Variants in HCN1 observed in about 807,000 individuals in gnomAD.
HCN1 encodes the protein hyperpolarization activated cyclic nucleotide gated potassium channel 1.
A neutral mutation model predicts 78.9 loss-of-function variants in HCN1; 13 were observed. The observed-to-expected ratio is 0.16, with a 90% CI of 0.11 to 0.26. The LOEUF is 0.26. Among genes scored for constraint, HCN1 ranks in the 10% least tolerant of loss-of-function variants. HCN1 has a pLI of 1.00. For synonymous variants in HCN1, 552 were observed against 455.5 expected, an observed-to-expected ratio of 1.21 and a Z score of -2.70; for missense variants, 810 against 1,154.3, an observed-to-expected ratio of 0.70 and a Z score of 4.32.
Position 45,262,020 on chromosome 5 carries a change from T to C in HCN1, c.2574A>G (p.Pro858=). ...GAIPPNRGVP[P]APPPPAAALP... is the part of the protein sequence containing the mutation. ...GAGCAGCTGCTGGTGGAGGGGGTGC[T>C]GGAGGGACTCCTCGGTTCGGGGGGA... The change falls in exon 8 of 8, where the codon CCA becomes CCG. Residue 858 remains proline, a synonymous_variant. Coordinates refer to ENST00000303230, the MANE Select transcript of HCN1 (RefSeq NM_021072.4). 6.2e-7 allele frequency: 1 copy of C among 1,613,984 alleles called. No individual in the cohort carries two copies. Among genetic ancestry groups the C allele is most frequent in the South Asian group, 1.1e-5 (1 of 91,078 alleles).
intron 4 of HCN1, among the ~76,000 whole-genome samples, chr5:45,388,893 C>T (rs911398938): frequency 1.3e-5 from 2 of 152,080 alleles, no homozygotes; most frequent in Non-Finnish European, 2.9e-5. Flanking sequence ...TATGTCCACC[C>T]GCTAAAATGG....
chr5:45,262,907 C>T (rs1744779136), intron 7 of HCN1, 97 bp from the exon 8 acceptor site: 2 of 1,349,334 alleles, frequency 1.5e-6, no homozygotes, highest in Admixed American at 1.9e-5. Flanking sequence ...TATAGCTGTG[C>T]TTCACAGGAG....
chr5:45,513,585 T>C (rs1338415981), intron 2 of HCN1, among the ~76,000 whole-genome samples: 1 of 152,182 alleles, frequency 6.6e-6, no homozygotes, highest in Admixed American at 6.5e-5. Flanking sequence ...CCACCTGAGC[T>C]CTGCCTCCTG....
chr5:45,441,882 C>T (rs1368159880), intron 3 of HCN1, among the ~76,000 whole-genome samples: 1 of 152,072 alleles, frequency 6.6e-6, no homozygotes, highest in Admixed American at 6.5e-5. Flanking sequence ...TAAGAAAACC[C>T]TTAATGCTCA....
Position 45,659,041 on chromosome 5 carries a change from C to A in HCN1, c.426-13433G>T, listed in dbSNP as rs565588214. Reference sequence around the variant, plus strand: ...AAAAGACAGCAGTAACCTCTGCAGACTTAAGTGTCCCTGTCTGACAGCTTT... The same window carrying A: ...AAAAGACAGCAGTAACCTCTGCAGAATTAAGTGTCCCTGTCTGACAGCTTT... On this transcript the variant is annotated intron_variant, in intron 1 of 7. Coordinates refer to ENST00000303230, the MANE Select transcript of HCN1 (RefSeq NM_021072.4). Among the ~76,000 whole-genome samples, 26 of 151,988 alleles carry A rather than the reference C, an allele frequency of 1.7e-4. No individual in the cohort carries two copies. In the South Asian group the frequency reaches 5.4e-3, roughly 32 times the overall value.
intron 3 of HCN1, among the ~76,000 whole-genome samples, chr5:45,429,357 G>C (rs1490270978): frequency 6.6e-6 from 1 of 152,084 alleles, no homozygotes; most frequent in Admixed American, 6.6e-5. Context: ...TTATATGGGG[G>C]CTTCTCAACC....
At chr5:45,542,264 T>C (rs1280132347) in intron 2 of HCN1, among the ~76,000 whole-genome samples, 3 of 152,122 alleles carry the variant, frequency 2.0e-5, no homozygotes, top group East Asian at 3.9e-4. Flanking sequence ...TGCAATAAAA[T>C]ATAGTTTTAT....
At chr5:45,496,646 A>C (rs1397416388) in intron 2 of HCN1, among the ~76,000 whole-genome samples, 2 of 151,626 alleles carry the variant, frequency 1.3e-5, no homozygotes, top group South Asian at 2.1e-4. Context: ...TGATCCTTTC[A>C]AAAAACCAGC....
chr5:45,555,594 T>C (rs1743453276), intron 2 of HCN1, among the ~76,000 whole-genome samples: 1 of 151,760 alleles, frequency 6.6e-6, no homozygotes, highest in Non-Finnish European at 1.5e-5. Context: ...GCCAAAACTA[T>C]CCTGAGCAAA....
At chr5:45,625,807 CA>C (rs1335894868) in intron 2 of HCN1, among the ~76,000 whole-genome samples, 1 of 149,308 alleles carries the variant, frequency 6.7e-6, no homozygotes, top group African/African-American at 2.5e-5. Context: ...TTGCAAACAC[CA>C]AAACCAAAAC....
At chr5:45,694,175 C>CT (rs976680543) in intron 1 of HCN1, among the ~76,000 whole-genome samples, 3 of 151,868 alleles carry the variant, frequency 2.0e-5, no homozygotes, top group Non-Finnish European at 4.4e-5. Flanking sequence ...TGAACATTTT[C>CT]TTTTTTTTAA....
At chr5:45,586,890 T>C (rs1744240728) in intron 2 of HCN1, among the ~76,000 whole-genome samples, 1 of 152,214 alleles carries the variant, frequency 6.6e-6, no homozygotes, top group Non-Finnish European at 1.5e-5. Context: ...TACTCCTATG[T>C]TTTAAAAATC....
At position 45,634,960 on chromosome 5, in the gene HCN1, T is replaced by C. The variant is rs59041019; in HGVS notation, c.849+10225A>G. Among the ~76,000 whole-genome samples, 1,445 of 152,184 alleles carry C rather than the reference T, an allele frequency of 9.5e-3. 67 individuals are homozygous for C. The highest frequency in any genetic ancestry group is 0.068 in the Admixed American group (1,038 of 15,266). ...GAAACTGTCACACTCACAAAGCTAG[T>C]TGATCTCCCAAGCATTACTGCTAGG... On this transcript the variant is annotated intron_variant, in intron 2 of 7. Coordinates refer to ENST00000303230, the MANE Select transcript of HCN1 (RefSeq NM_021072.4).
intron 3 of HCN1, among the ~76,000 whole-genome samples, chr5:45,454,619 C>A (rs1280140707): frequency 3.3e-5 from 5 of 151,902 alleles, no homozygotes; most frequent in Admixed American, 2.6e-4. Context: ...TACTGAATCT[C>A]AAGAGAGGGG....
chr5:45,464,075 T>A (rs1019623041), intron 2 of HCN1, among the ~76,000 whole-genome samples: 1 of 152,116 alleles, frequency 6.6e-6, no homozygotes, highest in Non-Finnish European at 1.5e-5. Context: ...TAGATCTGAC[T>A]GGGTTTTTCT....
At chr5:45,695,134 A>C (rs903169507) in intron 1 of HCN1, 1 of 154,222 alleles carries the variant, frequency 6.5e-6, no homozygotes, top group Non-Finnish European at 1.4e-5. Flanking sequence ...AGCGAGGATA[A>C]CCAGCGCCTA....
chr5:45,330,262 A>C (rs888941057), intron 5 of HCN1, among the ~76,000 whole-genome samples: 3 of 151,260 alleles, frequency 2.0e-5, no homozygotes, highest in African/African-American at 4.8e-5. Flanking sequence ...ATATTTGGGG[A>C]GTTATTAAAT....
chr5:45,584,705 G>T (rs1445046889), intron 2 of HCN1, among the ~76,000 whole-genome samples: 1 of 152,148 alleles, frequency 6.6e-6, no homozygotes, highest in Non-Finnish European at 1.5e-5. Context: ...TCCTTCTGGA[G>T]CTCTTTTAGG....
intron 5 of HCN1, among the ~76,000 whole-genome samples, chr5:45,344,988 C>A (rs1019479571): frequency 6.6e-6 from 1 of 152,186 alleles, no homozygotes; most frequent in Non-Finnish European, 1.5e-5. Context: ...CCATGAGGGC[C>A]CTGTCCCTGC....
Sources: allele counts gnomAD v4.1 joint callset (sites outside exome capture counted in the v4.1 genomes callset), GRCh38; gene constraint gnomAD v4.1.1; transcripts MANE v1.5; gene names NCBI Gene and HGNC (gene_info 2026-07-23, HGNC 2026-07-21).